The following MICAL2 variants were observed in gnomAD, a reference collection of about 807,000 sequenced individuals.
MICAL2 encodes [F-actin]-monooxygenase MICAL2.
Under a neutral mutation model 127.3 loss-of-function variants are expected in MICAL2, and 77 were observed. The ratio of observed to expected loss-of-function variants is 0.60; its 90% confidence interval spans 0.50 to 0.73. The LOEUF is 0.73. Among genes scored for constraint, MICAL2 ranks in the 30% least tolerant of loss-of-function variants. The pLI is 0.00. For missense variants in MICAL2, 1,351 were observed against 1,434.4 expected (o/e 0.94, Z 0.94); for synonymous variants, 570 against 551.1 (o/e 1.03, Z -0.48).
chr11:12,288,862 C>T (rs1380638724), downstream of MICAL2, among the ~76,000 whole-genome samples: 2 of 152,196 alleles, frequency 1.3e-5, no homozygotes, highest in African/African-American at 2.4e-5. Flanking sequence ...CCCAGTCTCC[C>T]GAAAATCCCC....
At chr11:12,215,585 C>A (rs1856042016) in intron 7 of MICAL2, among the ~76,000 whole-genome samples, 1 of 152,162 alleles carries the variant, frequency 6.6e-6, no homozygotes, top group Non-Finnish European at 1.5e-5. Flanking sequence ...TGCTGTTGGC[C>A]AGAGACCTCC....
chr11:12,233,729 C>G (rs1369411888), intron 15 of MICAL2, among the ~76,000 whole-genome samples: 2 of 152,094 alleles, frequency 1.3e-5, no homozygotes, highest in Non-Finnish European at 1.5e-5. Flanking sequence ...GGGAAAAGAA[C>G]ATAAGTTATT....
intron 26 of MICAL2, chr11:12,260,366 G>A: frequency 7.7e-7 from 1 of 1,300,942 alleles, no homozygotes; most frequent in Non-Finnish European, 9.7e-7. Flanking sequence ...CTAGGGCCAG[G>A]GATGATATGA....
intron 32 of MICAL2, among the ~76,000 whole-genome samples, chr11:12,328,466 C>T (rs1864379054): frequency 6.6e-6 from 1 of 152,182 alleles, no homozygotes; most frequent in Non-Finnish European, 1.5e-5. Context: ...ATTGTTTTGG[C>T]AGAGGGAACA....
intron 7 of MICAL2, among the ~76,000 whole-genome samples, chr11:12,214,986 G>T (rs1855962524): frequency 6.6e-6 from 1 of 152,182 alleles, no homozygotes; most frequent in Non-Finnish European, 1.5e-5. Flanking sequence ...CTGGCCTGGA[G>T]GGTATGTGCT....
intron 26 of MICAL2, chr11:12,260,650 C>A (rs1209650886): frequency 6.1e-6 from 6 of 986,400 alleles, no homozygotes; most frequent in Non-Finnish European, 6.0e-6. Context: ...CCAGATGCCA[C>A]TTGTCAGCAG....
intron 22 of MICAL2, 125 bp from the exon 23 acceptor site, chr11:12,255,518 T>A: frequency 1.3e-6 from 1 of 773,758 alleles, no homozygotes. Context: ...TTCTCCTGGG[T>A]CGTGGGGTGC....
intron 29 of MICAL2, among the ~76,000 whole-genome samples, chr11:12,303,080 GACTC>G (rs896199706): frequency 2.2e-4 from 33 of 152,268 alleles, no homozygotes; most frequent in African/African-American, 7.5e-4. Context: ...AGGTCTGTGA[GACTC>G]ACTCACTATC....
chr11:12,136,344 G>T (rs1851834172), intron 1 of MICAL2, among the ~76,000 whole-genome samples: 3 of 152,126 alleles, frequency 2.0e-5, no homozygotes, highest in Admixed American at 1.3e-4. Flanking sequence ...CGAGACTTTG[G>T]GTGAAGCACT....
At chr11:12,183,210 G>A (rs1389022080) in intron 3 of MICAL2, among the ~76,000 whole-genome samples, 1 of 149,182 alleles carries the variant, frequency 6.7e-6, no homozygotes, top group Non-Finnish European at 1.5e-5. Context: ...GAAAAGTTTT[G>A]TGGTCACTGG....
intron 1 of MICAL2, among the ~76,000 whole-genome samples, chr11:12,127,920 T>A (rs1851080629): frequency 1.3e-5 from 2 of 152,328 alleles, no homozygotes; most frequent in South Asian, 4.1e-4. Context: ...GATAAAATGG[T>A]ACTTACCATT....
downstream of MICAL2, among the ~76,000 whole-genome samples, chr11:12,266,554 T>C (rs1401499057): frequency 6.6e-6 from 1 of 152,264 alleles, no homozygotes; most frequent in East Asian, 1.9e-4. Context: ...CCAAGAATTT[T>C]ATGTGCAGAA....
At chr11:12,358,617 A>G (rs1939164824), downstream of MICAL2, 1 of 819,146 alleles carries the variant, frequency 1.2e-6, no homozygotes. Context: ...TAAAATTAAA[A>G]TTCTCTTGCA....
chr11:12,181,255 T>C (rs1308113641), intron 3 of MICAL2, among the ~76,000 whole-genome samples: 1 of 152,182 alleles, frequency 6.6e-6, no homozygotes, highest in Non-Finnish European at 1.5e-5. Flanking sequence ...ATTCTTACAT[T>C]TATTTTCAAA....
chr11:12,269,575 C>T (rs773801185), intron 24 of MICAL2, among the ~76,000 whole-genome samples: 19 of 152,280 alleles, frequency 1.2e-4, no homozygotes, highest in Admixed American at 7.8e-4. Context: ...GGTGCCAGAT[C>T]GCCAGCCGTC....
At chr11:12,220,587 C>A in intron 9 of MICAL2, 129 bp downstream of exon 9, 8 of 1,316,314 alleles carry the variant, frequency 6.1e-6, no homozygotes. Context: ...AGGACTCTGC[C>A]AAGCCTGTCC....
At chr11:12,298,645 A>G (rs7115985) in intron 29 of MICAL2, among the ~76,000 whole-genome samples, 63,089 of 152,014 alleles carry the variant, frequency 0.42, 15,199 homozygotes, top group Non-Finnish European at 0.55. Flanking sequence ...GATATATTTT[A>G]TCATTTGGAG....
At chr11:12,329,517 G>A (rs1864390547) in intron 32 of MICAL2, among the ~76,000 whole-genome samples, 1 of 152,172 alleles carries the variant, frequency 6.6e-6, no homozygotes, top group South Asian at 2.1e-4. Context: ...AAGCCAATAA[G>A]CCCTGTGTTC....
At chr11:12,300,202 G>A (rs1054395717) in intron 29 of MICAL2, among the ~76,000 whole-genome samples, 2 of 152,142 alleles carry the variant, frequency 1.3e-5, no homozygotes, top group Non-Finnish European at 2.9e-5. Flanking sequence ...GTTGAGGCAG[G>A]AGAATTGATT....
Sources: gnomAD v4.1 joint callset for allele counts (sites outside exome capture counted in the v4.1 genomes callset) on GRCh38, gnomAD v4.1.1 for gene constraint, MANE v1.5 for transcripts, NCBI Gene and HGNC (gene_info 2026-07-23, HGNC 2026-07-21) for gene names.